PCDHGA2: variants seen among roughly 807,000 people sequenced by gnomAD.
The protein encoded by PCDHGA2 is protocadherin gamma subfamily A, 2.
Under a neutral mutation model 59.2 loss-of-function variants are expected in PCDHGA2, and 40 were observed. That is an observed-to-expected ratio of 0.68 (90% CI 0.52 to 0.88). The LOEUF (loss-of-function observed/expected upper bound fraction) is 0.88. PCDHGA2 is among the 40% of genes least tolerant of loss of function. The pLI, the probability that PCDHGA2 is intolerant of heterozygous loss-of-function variation, is 0.00. For synonymous variants in PCDHGA2, 560 were observed against 526.0 expected, an observed-to-expected ratio of 1.06 and a Z score of -0.89; for missense variants, 1,226 against 1,204.0, an observed-to-expected ratio of 1.02 and a Z score of -0.27.
intron 1 of PCDHGA2, chr5:141,364,242 G>T (rs192201180): frequency 1.4e-6 from 2 of 1,451,340 alleles, no homozygotes; most frequent in South Asian, 3.0e-5. Context: ...GCCCATTTTC[G>T]TCAGGGAATA....
intron 1 of PCDHGA2, chr5:141,387,791 A>G: frequency 4.0e-6 from 6 of 1,492,120 alleles, no homozygotes; most frequent in Non-Finnish European, 4.5e-6. Flanking sequence ...AACTGCAACT[A>G]AAGTCCGTTC....
Position 141,485,187 on chromosome 5 carries a change from T to A in PCDHGA2, c.2425-9620T>A, listed in dbSNP as rs1325714839. ...CGGGCGGCAGCAATGCTCCGCAAGG[T>A]GAGAAGCTGGACAGAAATCTGGCGG... On this transcript the variant is annotated intron_variant, in intron 1 of 3. Transcript: ENST00000394576. This position sits in a 1 kb window ranked among gnomAD's most constrained non-coding sequence, Gnocchi z 5.7. 1 of 1,613,502 alleles carries A rather than the reference T, an allele frequency of 6.2e-7. No individual in the cohort carries two copies. The highest frequency in any genetic ancestry group is 1.7e-5 in the Admixed American group (1 of 60,018).
chr5:141,401,272 G>A (rs998700154), intron 1 of PCDHGA2, among the ~76,000 whole-genome samples: 1 of 152,172 alleles, frequency 6.6e-6, no homozygotes. Flanking sequence ...AACCTGGCAG[G>A]TGGAGGTTGC....
intron 1 of PCDHGA2, chr5:141,399,489 A>G (rs764497801): frequency 2.5e-6 from 4 of 1,614,008 alleles, no homozygotes; most frequent in South Asian, 1.1e-5. Context: ...CGTCCTACTT[A>G]GTCAGTGTAC....
intron 1 of PCDHGA2, among the ~76,000 whole-genome samples, chr5:141,459,160 T>C (rs1330588092): frequency 6.6e-6 from 1 of 152,228 alleles, no homozygotes; most frequent in African/African-American, 2.4e-5. Context: ...AGAACATTTC[T>C]ATAACCTTCA....
intron 1 of PCDHGA2, chr5:141,404,621 G>T: frequency 6.2e-7 from 1 of 1,614,174 alleles, no homozygotes; most frequent in South Asian, 1.1e-5. Context: ...GGACCAGAAT[G>T]ACAATGCCCC....
chr5:141,420,494 C>A (rs978136090), intron 1 of PCDHGA2: 1 of 499,510 alleles, frequency 2.0e-6, no homozygotes, highest in Non-Finnish European at 3.1e-6. Context: ...GGGTAATCTC[C>A]GGTGACATTT....
chr5:141,381,851 C>G (rs1252869923), intron 1 of PCDHGA2, among the ~76,000 whole-genome samples: 3 of 33,340 alleles, frequency 9.0e-5, no homozygotes, highest in Non-Finnish European at 1.6e-4. Context: ...TTTTTTTTGG[C>G]AGAGTTTTGC....
intron 1 of PCDHGA2, chr5:141,379,005 C>T (rs556550665): frequency 4.6e-4 from 70 of 152,174 alleles, no homozygotes; most frequent in Non-Finnish European, 6.8e-4. Context: ...CAAGATTTTT[C>T]TCCAGTCATG....
chr5:141,493,021 G>C lies in PCDHGA2; in HGVS notation c.2425-1786G>C, dbSNP rs1261539371. On this transcript the variant is annotated intron_variant, in intron 1 of 3. Transcript: ENST00000394576. This position sits in a 1 kb window ranked among gnomAD's most constrained non-coding sequence, Gnocchi z 4.3. ...AGCTATAGGCTCTGCCAGATGCCAG[G>C]GTGCCCTTATGTGTGAGGAAACTAC... Among the ~76,000 whole-genome samples, 1 of 152,180 alleles carries C rather than the reference G, an allele frequency of 6.6e-6. No individual in the cohort carries two copies. The highest frequency in any genetic ancestry group is 6.5e-5 in the Admixed American group (1 of 15,284).
chr5:141,426,086 G>A (rs751467304), intron 1 of PCDHGA2, among the ~76,000 whole-genome samples: 5 of 152,218 alleles, frequency 3.3e-5, no homozygotes, highest in Non-Finnish European at 7.3e-5. Context: ...CTACCAGGAC[G>A]ATATTCTGTT....
rs775270875 is a variant in PCDHGA2 at position 141,410,577 on chromosome 5, A to G, written c.2424+69182A>G. ...TCTCCTGGAGCCTTAATTCCACCTCATGGTGGGGAGGATTTGACTTCACAT... is the reference window on the plus strand; with the variant it reads ...TCTCCTGGAGCCTTAATTCCACCTCGTGGTGGGGAGGATTTGACTTCACAT... On this transcript the variant is annotated intron_variant, in intron 1 of 3. Coordinates refer to ENST00000394576, the MANE Select transcript of PCDHGA2 (RefSeq NM_018915.4). 4 of 1,610,116 alleles carry G rather than the reference A, an allele frequency of 2.5e-6. No homozygotes were observed. In the Admixed American group the frequency reaches 5.0e-5, roughly 20 times the overall value.
intron 1 of PCDHGA2, chr5:141,366,751 G>T: frequency 6.2e-7 from 1 of 1,607,656 alleles, no homozygotes; most frequent in Non-Finnish European, 8.5e-7. Context: ...GGCGAGTTCA[G>T]GTTAGTTTTC....
At chr5:141,421,449 G>A (rs2096574013) in intron 1 of PCDHGA2, 2 of 1,614,010 alleles carry the variant, frequency 1.2e-6, no homozygotes, top group African/African-American at 1.3e-5. Flanking sequence ...GGAAGACACA[G>A]CTTTTCGCTG....
Position 141,477,662 on chromosome 5 carries a change from A to G in PCDHGA2, c.2425-17145A>G. On this transcript the variant is annotated intron_variant, in intron 1 of 3. Transcript: ENST00000394576. The surrounding 1 kb of genome is among the most constrained non-coding windows in gnomAD (Gnocchi z 4.9). ...TCGCTATTTCACAATAAATCGTGAC[A>G]ATGGCATAGTGTCATCCTTAGTGCC... The G allele has an allele frequency of 6.2e-7, 1 of 1,614,222 alleles. No individual in the cohort carries two copies.
At chr5:141,395,522 A>T in intron 1 of PCDHGA2, 1 of 398,214 alleles carries the variant, frequency 2.5e-6, no homozygotes. Flanking sequence ...ACCCGTCCAT[A>T]CTGGTAATTT....
intron 1 of PCDHGA2, among the ~76,000 whole-genome samples, chr5:141,484,170 A>G (rs962978452): frequency 6.6e-6 from 1 of 152,210 alleles, no homozygotes; most frequent in Non-Finnish European, 1.5e-5. Context: ...TTGGTAGCTG[A>G]TCTCAATCAT....
At chr5:141,348,476 C>A (rs1758126932) in intron 1 of PCDHGA2, among the ~76,000 whole-genome samples, 1 of 152,178 alleles carries the variant, frequency 6.6e-6, no homozygotes, top group East Asian at 1.9e-4. Flanking sequence ...GTATCACTTT[C>A]CCTGTAAGGA....
chr5:141,463,615 A>G (rs1336539466), intron 1 of PCDHGA2, among the ~76,000 whole-genome samples: 1 of 151,408 alleles, frequency 6.6e-6, no homozygotes, highest in Admixed American at 6.6e-5. Context: ...TGCCCGGCTA[A>G]TTTTTTGTAT....
Sources: gnomAD v4.1 joint callset for allele counts (sites outside exome capture counted in the v4.1 genomes callset) on GRCh38, gnomAD v4.1.1 for gene constraint, Gnocchi (gnomAD v3.1) non-coding constraint, MANE v1.5 for transcripts, NCBI Gene and HGNC (gene_info 2026-07-23, HGNC 2026-07-21) for gene names.